SUSD1: variants seen among roughly 807,000 people sequenced by gnomAD.
SUSD1 encodes the protein sushi domain containing 1.
A neutral mutation model predicts 86.9 loss-of-function variants in SUSD1; 65 were observed. The ratio of observed to expected loss-of-function variants is 0.75; its 90% CI spans 0.61 to 0.92. The LOEUF (loss-of-function observed/expected upper bound fraction) is 0.92, where lower values mean the gene tolerates loss of function less well. Ranked by LOEUF, SUSD1 falls within the 40% of genes least tolerant of loss-of-function variation. The pLI is 0.00. For missense variants in SUSD1, 850 were observed against 929.7 expected (o/e 0.91, Z 1.11); for synonymous variants, 346 against 350.0 (o/e 0.99, Z 0.13).
At chr9:112,162,078 G>A (rs77902645) in intron 1 of SUSD1, among the ~76,000 whole-genome samples, 7 of 152,184 alleles carry the variant, frequency 4.6e-5, no homozygotes, top group Non-Finnish European at 8.8e-5. Flanking sequence ...GATATAATAT[G>A]CACACAATAA....
In SUSD1 at chr9:112,058,445, T is replaced by C. The variant is rs376263591; in HGVS notation, c.2092A>G (p.Thr698Ala). The C allele has an allele frequency of 2.8e-5, 45 of 1,613,898 alleles. No individual in the cohort carries two copies. The highest frequency in any genetic ancestry group is 3.7e-5 in the Non-Finnish European group (44 of 1,179,948). The change falls in exon 14 of 17, where the codon ACA (threonine) becomes GCA (alanine). Residue 698 changes from threonine to alanine, a missense_variant. Coordinates refer to ENST00000374270, the MANE Select transcript of SUSD1 (RefSeq NM_022486.5). Reference protein sequence around the residue: ...GSDYCIILRITSEWNKVRRHS... With the variant: ...GSDYCIILRIASEWNKVRRHS... ...AAAGATACCTTATTCCATTCACTTG[T>C]GATTCGTAATATAATGCAGTAATCA...
chr9:112,111,728 G>T lies in SUSD1; in HGVS notation c.1097C>A (p.Thr366Asn), dbSNP rs1831106408. Reference sequence around the variant, plus strand: ...TGTGGAGATGTTCACGGTGTAGTTGGTGCCTGGGTACAGGGCTAGGCACAC... The same window carrying T: ...TGTGGAGATGTTCACGGTGTAGTTGTTGCCTGGGTACAGGGCTAGGCACAC... ...PEVCLALYPG[T>N]NYTVNISTAP... The change falls in exon 8 of 17, where the codon ACC becomes AAC. Residue 366 changes from threonine (T) to asparagine (N), a missense_variant. Coordinates refer to ENST00000374270, the MANE Select transcript of SUSD1 (RefSeq NM_022486.5). 6.2e-7 allele frequency: 1 copy of T among 1,614,056 alleles called. No individual in the cohort carries two copies. The highest frequency in any genetic ancestry group is 1.3e-5 in the African/African-American group (1 of 74,916).
intron 14 of SUSD1, among the ~76,000 whole-genome samples, chr9:112,053,511 C>T (rs1244584044): frequency 2.1e-4 from 8 of 38,690 alleles, no homozygotes; most frequent in Admixed American, 3.6e-4. Flanking sequence ...GAGACTTCGT[C>T]TCAAAAAAAA....
intron 10 of SUSD1, among the ~76,000 whole-genome samples, chr9:112,095,385 C>T (rs1564289193): frequency 1.3e-5 from 2 of 152,232 alleles, no homozygotes; most frequent in Non-Finnish European, 2.9e-5. Flanking sequence ...GGACCTTGAA[C>T]ATTGCAGGCT....
At chr9:112,150,114 A>G (rs1832982685) in intron 2 of SUSD1, among the ~76,000 whole-genome samples, 1 of 152,224 alleles carries the variant, frequency 6.6e-6, no homozygotes, top group Non-Finnish European at 1.5e-5. Context: ...TTCTCACAGT[A>G]TCTGTTGCAA....
At chr9:112,098,402 G>T in intron 10 of SUSD1, 68 bp downstream of exon 10, 1 of 1,513,612 alleles carries the variant, frequency 6.6e-7, no homozygotes, top group Non-Finnish European at 9.0e-7. Context: ...TCTTATGCCC[G>T]CCCACACTGC....
intron 3 of SUSD1, among the ~76,000 whole-genome samples, chr9:112,147,763 C>T (rs143765336): frequency 0.038 from 5,840 of 152,122 alleles, 394 homozygotes; most frequent in African/African-American, 0.13. Flanking sequence ...AGCGAGACTC[C>T]GTCTCAAAAA....
chr9:112,173,544 G>A, intron 1 of SUSD1: 1 of 324,188 alleles, frequency 3.1e-6, no homozygotes, highest in East Asian at 7.6e-5. Flanking sequence ...CTTTGTAGGG[G>A]CCTGAGCTCC....
At chr9:112,165,113 G>A (rs1274618648) in intron 1 of SUSD1, among the ~76,000 whole-genome samples, 2 of 152,176 alleles carry the variant, frequency 1.3e-5, no homozygotes, top group South Asian at 2.1e-4. Context: ...AGAGCCCCCC[G>A]AAAGTCCTTT....
intron 13 of SUSD1, 44 bp downstream of exon 13, chr9:112,062,893 C>T: frequency 7.5e-7 from 1 of 1,333,360 alleles, no homozygotes; most frequent in Non-Finnish European, 1.1e-6. Context: ...CAAAACACTC[C>T]ATGGGGATCA....
In SUSD1 at chr9:112,041,874, C is replaced by T; in HGVS notation, c.2236G>A (p.Ala746Thr). 6.2e-7 allele frequency: 1 copy of T among 1,613,704 alleles called. No homozygotes were observed. Among genetic ancestry groups the T allele is most frequent in the African/African-American group, 1.3e-5 (1 of 75,022 alleles). ...VIILTFLSFS[A>T]V ...AATGACACCCTCACATACCACACCG[C>T]TGAGAAGGAGAGGAATGTGAGAATG... Residue 746 changes from alanine (A) to threonine (T), a missense_variant, in exon 16 of 17, where the codon GCG becomes ACG. Transcript: ENST00000374270.
intron 1 of SUSD1, among the ~76,000 whole-genome samples, chr9:112,172,799 T>C (rs1284760516): frequency 6.6e-6 from 1 of 152,158 alleles, no homozygotes; most frequent in Non-Finnish European, 1.5e-5. Flanking sequence ...CCTCAGAACT[T>C]CCAGGCCAGC....
At chr9:112,086,522 G>GAA (rs1829984002) in intron 10 of SUSD1, among the ~76,000 whole-genome samples, 1 of 142,968 alleles carries the variant, frequency 7.0e-6, no homozygotes, top group African/African-American at 2.6e-5. Flanking sequence ...AAGAAAGAAA[G>GAA]AGAGAGAGAG....
At chr9:112,116,217 TAAATGGCATCTC>T (rs1265631991) in intron 6 of SUSD1, among the ~76,000 whole-genome samples, 3 of 152,224 alleles carry the variant, frequency 2.0e-5, no homozygotes, top group Admixed American at 2.0e-4. Flanking sequence ...ATGACAACTG[TAAATGGCATCTC>T]AAAGATGCCA....
At chr9:112,065,178 C>G (rs1447042781) in intron 12 of SUSD1, among the ~76,000 whole-genome samples, 1 of 152,174 alleles carries the variant, frequency 6.6e-6, no homozygotes, top group Non-Finnish European at 1.5e-5. Context: ...TTGGTTCTAC[C>G]AATTGATCTG....
intron 1 of SUSD1, among the ~76,000 whole-genome samples, chr9:112,160,627 C>G (rs1454614251): frequency 2.6e-5 from 4 of 152,006 alleles, no homozygotes; most frequent in African/African-American, 7.3e-5. Context: ...ATTTGGGAGG[C>G]CTTGATCCCA....
intron 10 of SUSD1, among the ~76,000 whole-genome samples, chr9:112,086,520 A>AAG (rs142342623): frequency 2.7e-5 from 4 of 147,574 alleles, no homozygotes; most frequent in Admixed American, 1.4e-4. Flanking sequence ...GAAAGAAAGA[A>AAG]AGAGAGAGAG....
chr9:112,141,451 C>T (rs112153213), intron 5 of SUSD1, among the ~76,000 whole-genome samples: 70 of 152,132 alleles, frequency 4.6e-4, no homozygotes, highest in African/African-American at 1.6e-3. Context: ...CCAACACGGG[C>T]AGATAACTTA....
At chr9:112,141,217 G>C (rs534968078) in intron 5 of SUSD1, among the ~76,000 whole-genome samples, 9 of 152,348 alleles carry the variant, frequency 5.9e-5, no homozygotes, top group Middle Eastern at 3.4e-3. Flanking sequence ...AAACACGTGA[G>C]TGTGATGCAC....
Sources: allele counts gnomAD v4.1 joint callset (sites outside exome capture counted in the v4.1 genomes callset), GRCh38; gene constraint gnomAD v4.1.1; transcripts MANE v1.5; gene names NCBI Gene and HGNC (gene_info 2026-07-23, HGNC 2026-07-21).